The following SMYD3 variants were observed in gnomAD, a reference collection of about 807,000 sequenced individuals.
SMYD3 encodes the protein SET and MYND domain containing 3.
In SMYD3, 36 loss-of-function variants were observed where a neutral mutation model predicts 57.7. The ratio of observed to expected loss-of-function variants is 0.62; its 90% CI spans 0.48 to 0.82. The LOEUF is 0.82. Ranked by LOEUF, SMYD3 falls within the 40% of genes least tolerant of loss-of-function variation. SMYD3 has a pLI of 0.00. For missense variants in SMYD3, 515 were observed against 538.8 expected (o/e 0.96, Z 0.44); for synonymous variants, 211 against 195.0 (o/e 1.08, Z -0.68).
chr1:246,373,850 A>G (rs1468429127), intron 1 of SMYD3, among the ~76,000 whole-genome samples: 1 of 152,204 alleles, frequency 6.6e-6, no homozygotes, highest in African/African-American at 2.4e-5. Flanking sequence ...CTTGTTTGAA[A>G]ATATAGACAT....
At chr1:246,481,488 T>C (rs1369070748) in intron 1 of SMYD3, among the ~76,000 whole-genome samples, 3 of 150,010 alleles carry the variant, frequency 2.0e-5, no homozygotes, top group African/African-American at 2.4e-5. Flanking sequence ...CTCTTGCTCT[T>C]GGACTGAGAC....
At chr1:245,814,793 C>A (rs999636553) in intron 10 of SMYD3, among the ~76,000 whole-genome samples, 8 of 151,914 alleles carry the variant, frequency 5.3e-5, no homozygotes, top group Non-Finnish European at 1.2e-4. Flanking sequence ...ATGACCTTAT[C>A]CCTTATCCCA....
chr1:246,057,918 A>T (rs879565951), intron 5 of SMYD3, among the ~76,000 whole-genome samples: 3 of 152,218 alleles, frequency 2.0e-5, no homozygotes, highest in Non-Finnish European at 4.4e-5. Context: ...ATTATTTAGC[A>T]CTAAAAGTAA....
intron 10 of SMYD3, among the ~76,000 whole-genome samples, chr1:245,765,029 C>T (rs1022300310): frequency 4.8e-5 from 7 of 145,172 alleles, no homozygotes; most frequent in Admixed American, 7.4e-5. Flanking sequence ...GCAGAATTGT[C>T]TCTGGTGGAA....
chr1:245,970,903 T>C (rs986300745), intron 5 of SMYD3, among the ~76,000 whole-genome samples: 23 of 152,310 alleles, frequency 1.5e-4, no homozygotes, highest in African/African-American at 5.5e-4. Flanking sequence ...TCCTCAAGGA[T>C]CTAGAACTAG....
chr1:246,307,638 C>T (rs2065007497), intron 5 of SMYD3, among the ~76,000 whole-genome samples: 1 of 151,988 alleles, frequency 6.6e-6, no homozygotes, highest in Non-Finnish European at 1.5e-5. Flanking sequence ...CCGGGATGGT[C>T]TCGATCTCCT....
intron 5 of SMYD3, among the ~76,000 whole-genome samples, chr1:246,317,865 C>T (rs1334832854): frequency 1.3e-5 from 2 of 151,500 alleles, no homozygotes; most frequent in Admixed American, 1.3e-4. Flanking sequence ...TGTCTCCTGC[C>T]TGGAAAGCCT....
At chr1:246,249,255 C>T (rs1379018460) in intron 5 of SMYD3, among the ~76,000 whole-genome samples, 1 of 151,942 alleles carries the variant, frequency 6.6e-6, no homozygotes, top group Admixed American at 6.6e-5. Context: ...AGGCGCCTGC[C>T]ACCACACCTG....
rs950708843 is a variant in SMYD3 at position 246,326,273 on chromosome 1, T to C, written c.531+928A>G. ...CTTGTTATTAAATTGTGATCAACAT[T>C]AAAACAAATGCAAACACACAATGTG... On this transcript the variant is annotated intron_variant, in intron 5 of 11. Coordinates refer to ENST00000490107, the MANE Select transcript of SMYD3 (RefSeq NM_001167740.2). 4 of 548,944 alleles carry C rather than the reference T, an allele frequency of 7.3e-6. 1 individual carries two copies. The highest frequency in any genetic ancestry group is 6.3e-5 in the East Asian group (2 of 31,876). The allele number at this position is 548,944 out of a possible 1,614,324, so 34.0% of individuals were successfully genotyped here.
chr1:246,035,279 C>T (rs1019675728), intron 5 of SMYD3: 4 of 152,236 alleles, frequency 2.6e-5, no homozygotes, highest in African/African-American at 9.6e-5. Flanking sequence ...GTCTGAAGAA[C>T]ATATGCTTTC....
At chr1:246,074,958 G>T (rs2060522624) in intron 5 of SMYD3, among the ~76,000 whole-genome samples, 2 of 148,116 alleles carry the variant, frequency 1.4e-5, no homozygotes, top group Non-Finnish European at 1.5e-5. Context: ...ACACTTCAGA[G>T]GAATATAAGA....
intron 5 of SMYD3, among the ~76,000 whole-genome samples, chr1:246,185,131 G>A (rs1249114279): frequency 6.6e-6 from 1 of 152,210 alleles, no homozygotes; most frequent in Non-Finnish European, 1.5e-5. Context: ...TATATGCCAA[G>A]AATTTTTAAA....
chr1:246,219,051 C>T (rs1558324253), intron 5 of SMYD3, among the ~76,000 whole-genome samples: 1 of 152,124 alleles, frequency 6.6e-6, no homozygotes, highest in Non-Finnish European at 1.5e-5. Flanking sequence ...CTTAATTTAA[C>T]TAAAACTCCT....
intron 1 of SMYD3, among the ~76,000 whole-genome samples, chr1:246,420,809 C>T (rs950248271): frequency 2.0e-5 from 3 of 152,254 alleles, no homozygotes; most frequent in Admixed American, 2.0e-4. Context: ...TGCCGTGGAG[C>T]AGGGCAAAAA....
intron 8 of SMYD3, among the ~76,000 whole-genome samples, chr1:245,910,325 C>A (rs2054876207): frequency 6.6e-6 from 1 of 152,010 alleles, no homozygotes; most frequent in South Asian, 2.1e-4. Context: ...GGAAAGATAG[C>A]CCATGTGGAT....
intron 5 of SMYD3, among the ~76,000 whole-genome samples, chr1:245,979,350 C>T (rs2058538770): frequency 6.6e-6 from 1 of 152,132 alleles, no homozygotes; most frequent in African/African-American, 2.4e-5. Context: ...AGTCTTAACC[C>T]CCAGTACCCT....
chr1:245,817,988 G>A (rs2048947042), intron 10 of SMYD3, among the ~76,000 whole-genome samples: 1 of 152,172 alleles, frequency 6.6e-6, no homozygotes, highest in African/African-American at 2.4e-5. Flanking sequence ...ATATTATCCA[G>A]GAGAACTTCC....
chr1:246,159,002 C>G (rs2062069891), intron 5 of SMYD3, among the ~76,000 whole-genome samples: 1 of 151,722 alleles, frequency 6.6e-6, no homozygotes, highest in Admixed American at 6.6e-5. Flanking sequence ...CATGATGTGG[C>G]GACAATAAAA....
chr1:245,847,100 T>G (rs2050706156), intron 10 of SMYD3, among the ~76,000 whole-genome samples: 1 of 152,220 alleles, frequency 6.6e-6, no homozygotes, highest in African/African-American at 2.4e-5. Flanking sequence ...CCATTTCCCT[T>G]AACACATCTA....
Sources: gnomAD v4.1 joint callset for allele counts (sites outside exome capture counted in the v4.1 genomes callset) on GRCh38, gnomAD v4.1.1 for gene constraint, MANE v1.5 for transcripts, NCBI Gene and HGNC (gene_info 2026-07-23, HGNC 2026-07-21) for gene names.